Variants in TTN observed in about 807,000 individuals in gnomAD.
TTN encodes the protein titin, also known as connectin.
A neutral mutation model predicts 3,223.0 loss-of-function variants in TTN; 1,525 were observed. The ratio of observed to expected loss-of-function variants is 0.47; its 90% CI spans 0.45 to 0.49. The LOEUF (loss-of-function observed/expected upper bound fraction) is 0.49. Among genes scored for constraint, TTN ranks in the 20% least tolerant of loss-of-function variants. The probability of loss-of-function intolerance (pLI) is 0.00; values close to 1 mark genes in which losing one functional copy is unlikely to be tolerated. For missense variants in TTN, 40,786 were observed against 43,424.0 expected, an observed-to-expected ratio of 0.94 and a Z score of 5.40; for synonymous variants, 14,094 against 15,161.0, an observed-to-expected ratio of 0.93 and a Z score of 5.17.
At chr2:178,779,545 G>C (rs2092578658) in intron 22 of TTN, 83 bp from the exon 23 acceptor site, 2 of 961,676 alleles carry the variant, frequency 2.1e-6, no homozygotes, top group Non-Finnish European at 3.1e-6. Flanking sequence ...GAGCTAGACT[G>C]TTGAAGTTTT....
intron 13 of TTN, among the ~76,000 whole-genome samples, chr2:178,787,334 T>C (rs148373910): frequency 6.6e-6 from 1 of 152,186 alleles, no homozygotes; most frequent in African/African-American, 2.4e-5. Context: ...GGACTGCAAA[T>C]ACCATCTTCA....
At position 178,557,145 on chromosome 2, in the gene TTN, C is replaced by G; in HGVS notation, c.88010-1G>C. Reference sequence around the variant, plus strand: ...GTGATACGAACATTTCTTGGGGGTTCTGTGGTAATAAGAGAAGCAGATTAG... The same window carrying G: ...GTGATACGAACATTTCTTGGGGGTTGTGTGGTAATAAGAGAAGCAGATTAG... On this transcript the variant is annotated splice_acceptor_variant, in intron 329 of 362. Coordinates refer to ENST00000589042, the MANE Select transcript of TTN (RefSeq NM_001267550.2). LOFTEE classifies it high-confidence loss of function. The G allele has an allele frequency of 6.2e-7, 1 of 1,613,366 alleles. No homozygotes were observed. Among genetic ancestry groups the G allele is most frequent in the East Asian group, 2.2e-5 (1 of 44,752 alleles).
chr2:178,585,887 T>C (rs1277981589), intron 308 of TTN, among the ~76,000 whole-genome samples: 1 of 152,102 alleles, frequency 6.6e-6, no homozygotes, highest in Non-Finnish European at 1.5e-5. Context: ...TTGTGAACAG[T>C]GCCACAATAA....
chr2:178,599,499 A>G lies in TTN; in HGVS notation c.56348-54T>C, dbSNP rs1483109375. The stretch of plus-strand genomic sequence containing the variant: ...ATCACTCAGATGATTTTAAAGCCAA[A>G]TGTTATTTATGAACAGAAAAACAAG... On this transcript the variant is annotated intron_variant, in intron 289 of 362. Transcript: ENST00000589042. The G allele has an allele frequency of 6.6e-6, 10 of 1,517,694 alleles. No homozygotes were observed. The East Asian group carries it at 2.3e-4, about 35-fold the overall frequency. The allele number at this position is 1,517,694 out of a possible 1,614,324, so 94.0% of individuals were successfully genotyped here. A position where few individuals can be genotyped will look rare whatever the true frequency, so the allele number is the denominator to read the frequency against.
At position 178,553,189 on chromosome 2, in the gene TTN, C is replaced by T. The variant is rs397517744; in HGVS notation, c.89711G>A (p.Arg29904His). The T allele has an allele frequency of 2.1e-5, 34 of 1,613,694 alleles. No individual in the cohort carries two copies. In the Admixed American group the frequency reaches 2.3e-4, roughly 11 times the overall value. ...SSLLTIPQVT[R>H]NDTGKYILTI... is the part of the protein sequence containing the mutation. ...GAGAATATATTTTCCTGTATCATTGCGAGTAACTTGAGGAATGGTGAGTAA... is the reference window on the plus strand; with the variant it reads ...GAGAATATATTTTCCTGTATCATTGTGAGTAACTTGAGGAATGGTGAGTAA... Residue 29904 changes from arginine (R) to histidine (H), a missense_variant, in exon 335 of 363, where the codon CGC becomes CAC. Physicochemically the swap from Arg to His is conservative, Grantham distance 29. Coordinates refer to ENST00000589042, the MANE Select transcript of TTN (RefSeq NM_001267550.2).
intron 138 of TTN, among the ~76,000 whole-genome samples, 189 bp from the exon 139 acceptor site, chr2:178,680,520 C>A (rs1007406854): frequency 2.0e-5 from 3 of 151,910 alleles, no homozygotes; most frequent in African/African-American, 4.8e-5. Flanking sequence ...AATACAAGTA[C>A]ACAGAAGTAC....
In TTN at chr2:178,595,489, T is replaced by C; in HGVS notation, c.57847+18A>G. ...AGTAAAGAAGTGATTAAGTATACAT[T>C]TTTTTTTTTTTACTTACTTATTGGC... On this transcript the variant is annotated intron_variant, in intron 295 of 362. Transcript: ENST00000589042. 7.3e-7 allele frequency: 1 copy of C among 1,375,116 alleles called. No individual in the cohort carries two copies. The highest frequency in any genetic ancestry group is 9.7e-7 in the Non-Finnish European group (1 of 1,027,710). 85.2% of individuals were successfully genotyped at this position (1,375,116 alleles called of 1,614,324 possible). A position where few individuals can be genotyped will look rare whatever the true frequency, so the allele number is the denominator to read the frequency against.
Position 178,576,900 on chromosome 2 carries a change from A to T in TTN, c.69412+23T>A. ...CTCTGCTATAAATGTTTCCATGTCA[A>T]TTCCCTCACATGCTCTACATACCAA... On this transcript the variant is annotated intron_variant, in intron 324 of 362. Coordinates refer to ENST00000589042, the MANE Select transcript of TTN (RefSeq NM_001267550.2). This position sits in a 1 kb window ranked among gnomAD's most constrained non-coding sequence, Gnocchi z 4.3. 6.2e-7 allele frequency: 1 copy of T among 1,605,496 alleles called. No individual in the cohort carries two copies. Among genetic ancestry groups the T allele is most frequent in the Middle Eastern group, 1.7e-4 (1 of 6,016 alleles).
At position 178,608,795 on chromosome 2, in the gene TTN, A is replaced by G. The variant is rs1576379924; in HGVS notation, c.52216T>C (p.Leu17406=). 4 of 1,612,564 alleles carry G rather than the reference A, an allele frequency of 2.5e-6. No individual in the cohort carries two copies. Among genetic ancestry groups the G allele is most frequent in the African/African-American group, 1.3e-5 (1 of 74,916 alleles). ...GGTTTTGTCTTGTCTTTCTTTTCCA[A>G]AGTGTAGTTTATGATTTCACTGCCA... The part of the protein sequence containing the change: ...DGGSEIINYT[L]EKKDKTKPDS... Residue 17406 remains leucine (L), a synonymous_variant, in exon 274 of 363, where the codon TTG becomes CTG. Transcript: ENST00000589042.
chr2:178,527,826 AT>A (rs1278055861), intron 361 of TTN, 78 bp from the exon 362 acceptor site: 1 of 1,381,872 alleles, frequency 7.2e-7, no homozygotes, highest in African/African-American at 1.4e-5. Flanking sequence ...ACTTACAGAA[AT>A]GGAAACTTCA....
At chr2:178,764,146 T>C in intron 43 of TTN, 31 bp downstream of exon 43, 1 of 1,614,060 alleles carries the variant, frequency 6.2e-7, no homozygotes, top group Non-Finnish European at 8.5e-7. Flanking sequence ...TTGTAAGTAT[T>C]GGCAATGACA....
chr2:178,771,526 A>G lies in TTN; in HGVS notation c.7856-55T>C. On this transcript the variant is annotated intron_variant, in intron 33 of 362. Transcript: ENST00000589042. ...CCTTTAAACATATTCACACAATGGG[A>G]AAATCTTTGCAGAAGTAAATATAAA... 6 of 1,606,454 alleles carry G rather than the reference A, an allele frequency of 3.7e-6. No individual in the cohort carries two copies. In the Admixed American group the frequency reaches 1.0e-4, roughly 27 times the overall value.
At chr2:178,783,110 T>C (rs772890654) in intron 17 of TTN, 46 bp from the exon 18 acceptor site, 1 of 1,601,964 alleles carries the variant, frequency 6.2e-7, no homozygotes. Context: ...TGCATATTCA[T>C]TAATCACTTC....
At chr2:178,703,520 G>A (rs1450270074) in intron 106 of TTN, among the ~76,000 whole-genome samples, 4 of 152,154 alleles carry the variant, frequency 2.6e-5, no homozygotes, top group Non-Finnish European at 5.9e-5. Flanking sequence ...ATAGCTGAAA[G>A]CAGATGCTAT....
In TTN at chr2:178,640,035, T is replaced by C. The variant is rs1215866291; in HGVS notation, c.40786+13A>G. 9.9e-6 allele frequency: 16 copies of C among 1,611,984 alleles called. 1 individual carries two copies. The South Asian group carries it at 1.2e-4, about 12-fold the overall frequency. ...AAGAATATGCTGTTGACATTGAGGATAAGCTTGCTCACCTGCTTCGGGCTT... is the reference window on the plus strand; with the variant it reads ...AAGAATATGCTGTTGACATTGAGGACAAGCTTGCTCACCTGCTTCGGGCTT... On this transcript the variant is annotated intron_variant, in intron 222 of 362. Coordinates refer to ENST00000589042, the MANE Select transcript of TTN (RefSeq NM_001267550.2).
chr2:178,667,632 AT>A lies in TTN; in HGVS notation c.35629+5del. ...TTCTTCAGAGTGGATCATTGGTGTTATATACCTTTTGCTAGTTTGGGTTTTG... is the reference window on the plus strand; with the variant it reads ...TTCTTCAGAGTGGATCATTGGTGTTAATACCTTTTGCTAGTTTGGGTTTTG... On this transcript the variant is annotated splice_donor_5th_base_variant and intron_variant, in intron 160 of 362. Transcript: ENST00000589042. 1.3e-6 allele frequency: 2 copies of A among 1,594,628 alleles called. No homozygotes were observed. The highest frequency in any genetic ancestry group is 4.5e-5 in the East Asian group (2 of 44,774).
Position 178,768,141 on chromosome 2 carries a change from A to G in TTN, c.9178T>C (p.Phe3060Leu). 6.2e-7 allele frequency: 1 copy of G among 1,614,078 alleles called. No individual in the cohort carries two copies. The highest frequency in any genetic ancestry group is 8.5e-7 in the Non-Finnish European group (1 of 1,179,998). ...TTAATGTCCTTAATGTGTTTCCTAA[A>G]TTCTATATGACGAGCTGGAAAATAG... is the stretch of plus-strand genomic sequence containing the variant. ...TLYVEARHIEFRKHIKDIKVL... is the reference protein window; with the variant it reads ...TLYVEARHIELRKHIKDIKVL... Residue 3060 changes from phenylalanine (F) to leucine (L), a missense_variant, in exon 39 of 363, where the codon TTT becomes CTT. Phe to Leu is a conservative substitution (Grantham distance 22). Coordinates refer to ENST00000589042, the MANE Select transcript of TTN (RefSeq NM_001267550.2).
chr2:178,613,203 G>A lies in TTN; in HGVS notation c.49606C>T (p.Pro16536Ser). 1 of 1,611,404 alleles carries A rather than the reference G, an allele frequency of 6.2e-7. No homozygotes were observed. Among genetic ancestry groups the A allele is most frequent in the Non-Finnish European group, 8.5e-7 (1 of 1,178,844 alleles). Residue 16536 changes from proline to serine, a missense_variant, in exon 264 of 363, where the codon CCA (proline) becomes TCA (serine). Coordinates refer to ENST00000589042, the MANE Select transcript of TTN (RefSeq NM_001267550.2). The part of the protein sequence containing the change: ...LAENLAGPGK[P>S]SKSTEPILIK... ...AAGATTGGTTCAGTTGATTTGCTTG[G>A]TTTTCCAGGTCCAGCAAGATTTTCA...
In TTN at chr2:178,800,698, A is replaced by G. The variant is rs745346959; in HGVS notation, c.296-16T>C. ...GCTGTCTCAGCTGCGGGGACAAGAG[A>G]ACAAAGTCAAGAGTGAGAGCCAGGG... On this transcript the variant is annotated splice_polypyrimidine_tract_variant and intron_variant, in intron 3 of 362. Transcript: ENST00000589042. The G allele has an allele frequency of 6.2e-7, 1 of 1,600,780 alleles. No homozygotes were observed. The highest frequency in any genetic ancestry group is 1.1e-5 in the South Asian group (1 of 88,920).
Sources: gnomAD v4.1 joint callset for allele counts (sites outside exome capture counted in the v4.1 genomes callset) on GRCh38, gnomAD v4.1.1 for gene constraint, Gnocchi (gnomAD v3.1) non-coding constraint, MANE v1.5 for transcripts, NCBI Gene and HGNC (gene_info 2026-07-23, HGNC 2026-07-21) for gene names.